ANKRD12: variants seen among roughly 807,000 people sequenced by gnomAD.
The protein encoded by ANKRD12 is ankyrin repeat domain 12, also known as ankyrin repeat domain-containing protein 12.
ANKRD12 carries 85 observed loss-of-function variants against 183.4 expected under a neutral mutation model. That is an observed-to-expected ratio of 0.46 (90% CI 0.39 to 0.56). The LOEUF (loss-of-function observed/expected upper bound fraction) is 0.56. Among genes scored for constraint, ANKRD12 ranks in the 20% least tolerant of loss-of-function variants. ANKRD12 has a pLI of 0.00. For synonymous variants in ANKRD12, 914 were observed against 800.2 expected (o/e 1.14, Z -2.40); for missense variants, 2,405 against 2,357.1 (o/e 1.02, Z -0.42).
intron 2 of ANKRD12, among the ~76,000 whole-genome samples, chr18:9,183,560 A>G (rs2144203805): frequency 6.6e-6 from 1 of 152,208 alleles, no homozygotes; most frequent in African/African-American, 2.4e-5. Flanking sequence ...TTGATTTTTG[A>G]TGTAGTTATC....
At chr18:9,196,296 T>C (rs1038454427) in intron 3 of ANKRD12, among the ~76,000 whole-genome samples, 3 of 151,584 alleles carry the variant, frequency 2.0e-5, no homozygotes, top group Non-Finnish European at 4.4e-5. Context: ...AAATTGATAC[T>C]TGAAATCAGC....
At chr18:9,215,123 A>G (rs181550700) in intron 6 of ANKRD12, among the ~76,000 whole-genome samples, 37 of 152,290 alleles carry the variant, frequency 2.4e-4, no homozygotes, top group African/African-American at 8.2e-4. Flanking sequence ...CAGTGAGGAA[A>G]AAAGAAAATC....
In ANKRD12 at chr18:9,149,801, T is replaced by TA. The variant is rs1254645131; in HGVS notation, c.-52+12836_-52+12837insA. On this transcript the variant is annotated intron_variant, in intron 1 of 12. Transcript: ENST00000262126. The stretch of plus-strand genomic sequence containing the variant: ...ATTTATTTATTTATTAAATTTTATT[T>TA]TTTTTTTTTTTTGAGACGGAGTCTC... Among the ~76,000 whole-genome samples the TA allele has an allele frequency of 1.3e-3, 193 of 148,036 alleles. 1 individual carries two copies. Among genetic ancestry groups the TA allele is most frequent in the Middle Eastern group, 6.9e-3 (2 of 290 alleles).
chr18:9,191,036 TTCTA>T (rs1256173658), intron 2 of ANKRD12, among the ~76,000 whole-genome samples: 1 of 152,212 alleles, frequency 6.6e-6, no homozygotes, highest in Non-Finnish European at 1.5e-5. Context: ...TTACCATTTT[TTCTA>T]TCTTACTGAG....
intron 8 of ANKRD12, among the ~76,000 whole-genome samples, chr18:9,254,000 C>T (rs2038448561): frequency 6.6e-6 from 1 of 152,158 alleles, no homozygotes; most frequent in Non-Finnish European, 1.5e-5. Context: ...GGAGCCTCAC[C>T]ATAAAGCATA....
At chr18:9,187,442 G>A (rs1049897778) in intron 2 of ANKRD12, among the ~76,000 whole-genome samples, 18 of 151,978 alleles carry the variant, frequency 1.2e-4, no homozygotes, top group Admixed American at 4.6e-4. Context: ...GTTCTCTTAC[G>A]TAAGTAGAGA....
chr18:9,173,067 A>AT (rs35322750), intron 1 of ANKRD12, among the ~76,000 whole-genome samples: 3,801 of 122,200 alleles, frequency 0.031, 119 homozygotes, highest in African/African-American at 0.074. Flanking sequence ...GAGGTTGCTG[A>AT]TTTTTTTTTT....
chr18:9,259,034 C>T, intron 9 of ANKRD12, 103 bp downstream of exon 9: 1 of 1,312,086 alleles, frequency 7.6e-7, no homozygotes. Flanking sequence ...TAGATAATTT[C>T]AGCAAAATAA....
chr18:9,177,721 T>C (rs2033386213), intron 1 of ANKRD12, among the ~76,000 whole-genome samples: 1 of 152,276 alleles, frequency 6.6e-6, no homozygotes. Context: ...CAACCTCCCT[T>C]CATCCCCCAC....
At chr18:9,226,186 G>A (rs531639453) in intron 8 of ANKRD12, among the ~76,000 whole-genome samples, 12 of 152,312 alleles carry the variant, frequency 7.9e-5, no homozygotes, top group African/African-American at 2.9e-4. Context: ...GACTCTGGGA[G>A]GCTGAGGTGG....
chr18:9,208,048 G>A (rs1394138758), intron 4 of ANKRD12, among the ~76,000 whole-genome samples: 1 of 152,164 alleles, frequency 6.6e-6, no homozygotes, highest in Non-Finnish European at 1.5e-5. Flanking sequence ...ATCTTTGCAA[G>A]ATCTGTTAAC....
At chr18:9,267,729 A>G (rs923097326) in intron 10 of ANKRD12, among the ~76,000 whole-genome samples, 3 of 152,228 alleles carry the variant, frequency 2.0e-5, no homozygotes, top group Non-Finnish European at 4.4e-5. Flanking sequence ...AGCAAGAGCA[A>G]ACACATTCAA....
chr18:9,184,825 GAA>G (rs1386353982), intron 2 of ANKRD12, among the ~76,000 whole-genome samples: 2 of 152,314 alleles, frequency 1.3e-5, no homozygotes, highest in Non-Finnish European at 1.5e-5. Flanking sequence ...ACTCTTGAGA[GAA>G]TGAGAAAGAT....
intron 10 of ANKRD12, among the ~76,000 whole-genome samples, chr18:9,275,028 A>C (rs2039765765): frequency 6.6e-6 from 1 of 152,104 alleles, no homozygotes; most frequent in Non-Finnish European, 1.5e-5. Flanking sequence ...TACAAAAAAA[A>C]ATTAAAATAA....
At chr18:9,279,331 A>G (rs1477809735) in intron 11 of ANKRD12, among the ~76,000 whole-genome samples, 1 of 152,208 alleles carries the variant, frequency 6.6e-6, no homozygotes, top group East Asian at 1.9e-4. Flanking sequence ...ATTTTAATTA[A>G]TAATTAAACC....
intron 1 of ANKRD12, among the ~76,000 whole-genome samples, chr18:9,172,041 C>A (rs9957287): frequency 0.35 from 49,986 of 143,228 alleles, 8,731 homozygotes; most frequent in South Asian, 0.5. Context: ...AAAAAAAAAA[C>A]GAATGTTGAA....
At chr18:9,143,120 C>CT (rs1264721513) in intron 1 of ANKRD12, among the ~76,000 whole-genome samples, 2 of 152,112 alleles carry the variant, frequency 1.3e-5, no homozygotes, top group African/African-American at 4.8e-5. Context: ...AGGAAAAGAA[C>CT]TTCTATTGAG....
rs80235158 is a variant in ANKRD12 at position 9,240,091 on chromosome 18, C to A, written c.944-14120C>A. Among the ~76,000 whole-genome samples, 864 of 152,184 alleles carry A rather than the reference C, an allele frequency of 5.7e-3. 6 individuals are homozygous for A. Among genetic ancestry groups the A allele is most frequent in the African/African-American group, 0.019 (788 of 41,524 alleles). On this transcript the variant is annotated intron_variant, in intron 8 of 12. Coordinates refer to ENST00000262126, the MANE Select transcript of ANKRD12 (RefSeq NM_015208.5). The stretch of plus-strand genomic sequence containing the variant: ...GTGTGCTTTGTGATGTAATTGATTT[C>A]CATGTTTGGTACCAGCTCTTTATTT...
At position 9,258,536 on chromosome 18, in the gene ANKRD12, T is replaced by C. The variant is rs1453158050; in HGVS notation, c.5269T>C (p.Leu1757=). Residue 1757 remains leucine (L), a synonymous_variant, in exon 9 of 13, where the codon TTA becomes CTA. Coordinates refer to ENST00000262126, the MANE Select transcript of ANKRD12 (RefSeq NM_015208.5). ...SKQILASCTL[L]SEKDSESSSP... is the part of the protein sequence containing the mutation. ...ACAGATTCTTGCTAGCTGTACACTA[T>C]TATCAGAAAAAGACAGTGAATCCTC... 1.9e-6 allele frequency: 3 copies of C among 1,613,628 alleles called. No homozygotes were observed. The highest frequency in any genetic ancestry group is 2.7e-5 in the African/African-American group (2 of 74,892).
Sources: allele counts gnomAD v4.1 joint callset (sites outside exome capture counted in the v4.1 genomes callset), GRCh38; gene constraint gnomAD v4.1.1; transcripts MANE v1.5; gene names NCBI Gene and HGNC (gene_info 2026-07-23, HGNC 2026-07-21).